Variants in RGS20 observed in about 807,000 individuals in gnomAD.
RGS20 encodes the protein regulator of G protein signaling 20, also known as gz-selective GTPase-activating protein.
RGS20 carries 30 observed loss-of-function variants against 33.6 expected under a neutral mutation model. The ratio of observed to expected loss-of-function variants is 0.89; its 90% confidence interval spans 0.67 to 1.21. RGS20 has a LOEUF of 1.21. Among genes scored for constraint, RGS20 ranks in the 50% most tolerant of loss-of-function variants. RGS20 has a pLI of 0.00. For missense variants in RGS20, 472 were observed against 502.4 expected, an observed-to-expected ratio of 0.94 and a Z score of 0.58; for synonymous variants, 208 against 197.9, an observed-to-expected ratio of 1.05 and a Z score of -0.43.
intron 4 of RGS20, among the ~76,000 whole-genome samples, chr8:53,948,184 GTA>G (rs1157432927): frequency 2.3e-5 from 3 of 129,418 alleles, no homozygotes; most frequent in Non-Finnish European, 3.2e-5. Context: ...ATATGATATA[GTA>G]TATATATTTA....
rs775777635 is a variant in RGS20 at position 53,954,305 on chromosome 8, A to C, written c.973A>C (p.Lys325Gln). 6.3e-7 allele frequency: 1 copy of C among 1,596,122 alleles called. No homozygotes were observed. Among genetic ancestry groups the C allele is most frequent in the Admixed American group, 1.7e-5 (1 of 59,970 alleles). Residue 325 changes from lysine to glutamine, a missense_variant, in exon 5 of 6, where the codon AAG becomes CAG. Physicochemically the swap from Lys to Gln is moderately conservative, Grantham distance 53. Transcript: ENST00000297313. Reference sequence around the variant, plus strand: ...AGACTACATTTCTATACTTTCTCCTAAGGAGGTATGTGACCACGAGATGCC... The same window carrying C: ...AGACTACATTTCTATACTTTCTCCTCAGGAGGTATGTGACCACGAGATGCC...
At chr8:53,949,196 A>G (rs1214125938) in intron 4 of RGS20, among the ~76,000 whole-genome samples, 1 of 127,836 alleles carries the variant, frequency 7.8e-6, no homozygotes, top group African/African-American at 2.8e-5. Context: ...ATATTTATAT[A>G]TGCTATATAA....
intron 2 of RGS20, among the ~76,000 whole-genome samples, chr8:53,903,951 G>A (rs1171767467): frequency 6.6e-6 from 1 of 152,124 alleles, no homozygotes; most frequent in African/African-American, 2.4e-5. Context: ...GAGAAGAACA[G>A]GGCAGATGTG....
At chr8:53,919,000 A>C (rs1813572524) in intron 2 of RGS20, among the ~76,000 whole-genome samples, 1 of 152,234 alleles carries the variant, frequency 6.6e-6, no homozygotes, top group African/African-American at 2.4e-5. Context: ...ACTGTTTTCC[A>C]AAGTGGCCAA....
At chr8:53,871,941 C>T (rs759836156) in intron 1 of RGS20, among the ~76,000 whole-genome samples, 6 of 152,094 alleles carry the variant, frequency 3.9e-5, no homozygotes, top group Non-Finnish European at 8.8e-5. Context: ...CCACCCAGAC[C>T]TCCCTACCCT....
chr8:53,916,830 G>T (rs986777731), intron 2 of RGS20, among the ~76,000 whole-genome samples: 1 of 152,190 alleles, frequency 6.6e-6, no homozygotes, highest in African/African-American at 2.4e-5. Flanking sequence ...GCAGATAGGT[G>T]TCTGGTGAGG....
At chr8:53,950,378 C>T in intron 4 of RGS20, among the ~76,000 whole-genome samples, 1 of 152,078 alleles carries the variant, frequency 6.6e-6, no homozygotes, top group Non-Finnish European at 1.5e-5. Context: ...AGAAATGTCT[C>T]AGATTTCAGA....
intron 4 of RGS20, among the ~76,000 whole-genome samples, chr8:53,947,305 GAT>G (rs987166015): frequency 1.4e-5 from 2 of 139,350 alleles, no homozygotes; most frequent in East Asian, 2.1e-4. Flanking sequence ...TGCTATATAA[GAT>G]ATAGTATATA....
At chr8:53,872,482 A>G (rs538618216) in intron 1 of RGS20, among the ~76,000 whole-genome samples, 2 of 152,314 alleles carry the variant, frequency 1.3e-5, no homozygotes, top group East Asian at 3.9e-4. Context: ...GCTCTTTCTC[A>G]TTCATGGAAT....
intron 4 of RGS20, among the ~76,000 whole-genome samples, chr8:53,949,947 C>A (rs1814661828): frequency 6.6e-6 from 1 of 151,116 alleles, no homozygotes; most frequent in Non-Finnish European, 1.5e-5. Context: ...TCAAGCGATT[C>A]TCATGCCTTA....
chr8:53,941,645 AAT>A (rs1814300407), intron 3 of RGS20, among the ~76,000 whole-genome samples: 2 of 152,228 alleles, frequency 1.3e-5, no homozygotes, highest in African/African-American at 4.8e-5. Context: ...TTTCAAAAGT[AAT>A]GTTATTCATA....
intron 1 of RGS20, among the ~76,000 whole-genome samples, chr8:53,860,109 T>G (rs1031548684): frequency 7.2e-5 from 11 of 152,224 alleles, no homozygotes; most frequent in African/African-American, 2.4e-4. Flanking sequence ...TAGAAACATC[T>G]ATAGAATGGT....
At position 53,879,370 on chromosome 8, in the gene RGS20, C is replaced by T; in HGVS notation, c.278C>T (p.Pro93Leu). 1 of 1,611,668 alleles carries T rather than the reference C, an allele frequency of 6.2e-7. No individual in the cohort carries two copies. Reference sequence around the variant, plus strand: ...TTCTTCTCTCACCTTCTCCGGCGACCCCCTCCCGAGGCTCCCCGGAGGCGC... The same window carrying T: ...TTCTTCTCTCACCTTCTCCGGCGACTCCCTCCCGAGGCTCCCCGGAGGCGC... Residue 93 changes from proline (P) to leucine (L), a missense_variant, in exon 2 of 6, where the codon CCC (proline) becomes CTC (leucine). Physicochemically the swap from Pro to Leu is moderately conservative, Grantham distance 98. Coordinates refer to ENST00000297313, the MANE Select transcript of RGS20 (RefSeq NM_170587.4).
intron 1 of RGS20, among the ~76,000 whole-genome samples, chr8:53,857,231 C>G (rs183061555): frequency 7.9e-5 from 12 of 152,226 alleles, no homozygotes; most frequent in African/African-American, 2.7e-4. Flanking sequence ...TTCTCTCTGC[C>G]GTGGCTAGCA....
Position 53,958,273 on chromosome 8 carries a change from A to G in RGS20, c.982A>G (p.Ser328Gly). Residue 328 changes from serine to glycine, a missense_variant, in exon 6 of 6, where the codon AGC (serine) becomes GGC (glycine). By Grantham distance (56) the Ser-to-Gly change is moderately conservative. Transcript: ENST00000297313. The stretch of plus-strand genomic sequence containing the variant: ...TCCTACTCGTTTCTGTCGACAGGTG[A>G]GCTTAGACTCCCGGGTGAGAGAAGT... The G allele has an allele frequency of 1.2e-6, 2 of 1,605,944 alleles. No homozygotes were observed. The highest frequency in any genetic ancestry group is 1.7e-6 in the Non-Finnish European group (2 of 1,175,576).
chr8:53,881,841 G>A (rs1585882398), intron 2 of RGS20, among the ~76,000 whole-genome samples: 1 of 152,114 alleles, frequency 6.6e-6, no homozygotes, highest in South Asian at 2.1e-4. Context: ...CCTCGGAGCT[G>A]CCCTGGGAAG....
At chr8:53,934,037 C>G (rs543283699) in intron 2 of RGS20, among the ~76,000 whole-genome samples, 2 of 152,214 alleles carry the variant, frequency 1.3e-5, no homozygotes. Flanking sequence ...GAAATGAAAT[C>G]CTTTACAGAC....
intron 1 of RGS20, among the ~76,000 whole-genome samples, chr8:53,872,071 T>G (rs185810169): frequency 4.6e-5 from 7 of 152,310 alleles, no homozygotes; most frequent in Admixed American, 2.6e-4. Context: ...CTCCTTTCAG[T>G]AAGCCATTCA....
intron 2 of RGS20, among the ~76,000 whole-genome samples, chr8:53,900,397 C>A (rs1812982035): frequency 6.6e-6 from 1 of 152,130 alleles, no homozygotes; most frequent in African/African-American, 2.4e-5. Context: ...CTGCCTCAGC[C>A]TCCCAAAGTG....
Sources: allele counts gnomAD v4.1 joint callset (sites outside exome capture counted in the v4.1 genomes callset), GRCh38; gene constraint gnomAD v4.1.1; transcripts MANE v1.5; gene names NCBI Gene and HGNC (gene_info 2026-07-23, HGNC 2026-07-21).